Variants in GBF1 observed in about 807,000 individuals in gnomAD.
GBF1 encodes the protein Golgi-specific brefeldin A-resistance guanine nucleotide exchange factor 1.
A neutral mutation model predicts 210.5 loss-of-function variants in GBF1; 114 were observed. The ratio of observed to expected loss-of-function variants is 0.54; its 90% CI spans 0.47 to 0.63. The LOEUF (loss-of-function observed/expected upper bound fraction) is 0.63, where lower values mean the gene tolerates loss of function less well. GBF1 is among the 30% of genes least tolerant of loss of function. The probability of loss-of-function intolerance (pLI) is 0.00; values close to 1 mark genes in which losing one functional copy is unlikely to be tolerated. For synonymous variants in GBF1, 850 were observed against 889.2 expected, an observed-to-expected ratio of 0.96 and a Z score of 0.78; for missense variants, 1,851 against 2,357.7, an observed-to-expected ratio of 0.79 and a Z score of 4.45.
At chr10:102,230,963 C>T in the GBF1 span, 4 of 1,607,874 alleles carry the variant, frequency 2.5e-6, no homozygotes, top group Non-Finnish European at 3.4e-6. Context: ...GGCCAGTTGC[C>T]GTACGAGTAG....
chr10:102,275,070 G>T (rs949557699), intron 3 of GBF1, among the ~76,000 whole-genome samples: 1 of 149,796 alleles, frequency 6.7e-6, no homozygotes, highest in Non-Finnish European at 1.5e-5. Flanking sequence ...GGAGTGCAGT[G>T]GTGCAATCTC....
intron 3 of GBF1, among the ~76,000 whole-genome samples, chr10:102,313,723 A>G (rs537098041): frequency 8.5e-5 from 13 of 152,316 alleles, no homozygotes; most frequent in Non-Finnish European, 1.3e-4. Context: ...GGTGACTTGG[A>G]ACTAATCCTG....
At chr10:102,286,175 G>A (rs2133550746) in intron 3 of GBF1, among the ~76,000 whole-genome samples, 1 of 150,486 alleles carries the variant, frequency 6.6e-6, no homozygotes, top group East Asian at 2.0e-4. Context: ...GAGAGATTTG[G>A]GGATGTAAAA....
chr10:102,232,502 G>A, the GBF1 span, among the ~76,000 whole-genome samples: 5 of 152,262 alleles, frequency 3.3e-5, no homozygotes, highest in South Asian at 6.2e-4. Flanking sequence ...GGCCAACATG[G>A]TAAAATCCCG....
At chr10:102,340,266 C>CTTTTTT in intron 3 of GBF1, among the ~76,000 whole-genome samples, 1 of 123,664 alleles carries the variant, frequency 8.1e-6, no homozygotes, top group Non-Finnish European at 1.8e-5. Context: ...CTGGTCCATG[C>CTTTTTT]CTTTTTTTTT....
chr10:102,303,135 A>G (rs2077537481), intron 3 of GBF1, among the ~76,000 whole-genome samples: 1 of 151,866 alleles, frequency 6.6e-6, no homozygotes, highest in Non-Finnish European at 1.5e-5. Context: ...TTACAGGTGC[A>G]TGCCACCACA....
At chr10:102,234,684 C>A in the GBF1 span, among the ~76,000 whole-genome samples, 1 of 152,162 alleles carries the variant, frequency 6.6e-6, no homozygotes, top group Non-Finnish European at 1.5e-5. Flanking sequence ...AAATGCAAAT[C>A]ATCCCCCTGA....
At chr10:102,278,303 T>TAG (rs1215326064) in intron 3 of GBF1, among the ~76,000 whole-genome samples, 1 of 151,830 alleles carries the variant, frequency 6.6e-6, no homozygotes, top group Non-Finnish European at 1.5e-5. Context: ...GTTATGGAGT[T>TAG]ATCTGTAACT....
intron 30 of GBF1, 58 bp from the exon 31 acceptor site, chr10:102,376,214 C>T: frequency 7.4e-7 from 1 of 1,349,204 alleles, no homozygotes; most frequent in Non-Finnish European, 1.1e-6. Context: ...CCTGATTTAT[C>T]CCTCATCCCA....
At chr10:102,319,483 A>G (rs995420559) in intron 3 of GBF1, among the ~76,000 whole-genome samples, 1 of 152,106 alleles carries the variant, frequency 6.6e-6, no homozygotes, top group Non-Finnish European at 1.5e-5. Context: ...CTCAAATTCT[A>G]CAAGTTTTAA....
rs116411207 is a variant in GBF1 at position 102,248,870 on chromosome 10, A to C, written c.-11+3089A>C. On this transcript the variant is annotated intron_variant, in intron 1 of 39. Coordinates refer to ENST00000369983, the MANE Select transcript of GBF1 (RefSeq NM_001377137.1). ...GGCTGGTTTCGAACTCCTAGACTCA[A>C]GCAGTCCTCCCACTTTTGCCTCCCA... Among the ~76,000 whole-genome samples, 576 of 152,268 alleles carry C rather than the reference A, an allele frequency of 3.8e-3. 9 individuals are homozygous for C. The highest frequency in any genetic ancestry group is 0.013 in the African/African-American group (550 of 41,550).
At chr10:102,311,253 C>T (rs1209953426) in intron 3 of GBF1, among the ~76,000 whole-genome samples, 1 of 152,238 alleles carries the variant, frequency 6.6e-6, no homozygotes, top group Admixed American at 6.5e-5. Context: ...CATGATAACA[C>T]TTCTGTTTAA....
rs748345903 is a variant in GBF1 at position 102,358,169 on chromosome 10, TATC to T, written c.774_776del (p.Ser259del). ...CTGCCCACTCCCAATGGAACCACCT[TATC>T]ATCTAACCTCACTGGTGAGTGCCCT... is the stretch of plus-strand genomic sequence containing the variant. On this transcript the variant is annotated inframe_deletion, in exon 9 of 40. Transcript: ENST00000369983. 1 of 1,613,716 alleles carries T rather than the reference TATC, an allele frequency of 6.2e-7. No homozygotes were observed. The highest frequency in any genetic ancestry group is 1.1e-5 in the South Asian group (1 of 91,064).
intron 2 of GBF1, among the ~76,000 whole-genome samples, chr10:102,259,653 A>C (rs2072933502): frequency 6.6e-6 from 1 of 152,226 alleles, no homozygotes; most frequent in African/African-American, 2.4e-5. Flanking sequence ...GAAATTTCTC[A>C]AGTTCTTTCA....
intron 33 of GBF1, 141 bp from the exon 34 acceptor site, chr10:102,379,143 A>C: frequency 1.4e-6 from 1 of 700,808 alleles, no homozygotes; most frequent in Non-Finnish European, 2.4e-6. Flanking sequence ...AGTCAAGGGA[A>C]AGAGTAGCGA....
At chr10:102,260,421 A>G (rs575409538) in intron 3 of GBF1, among the ~76,000 whole-genome samples, 20 of 149,888 alleles carry the variant, frequency 1.3e-4, no homozygotes, top group Non-Finnish European at 2.4e-4. Flanking sequence ...TGGCCTCTCA[A>G]AGTGTTGGGA....
chr10:102,302,126 G>A (rs952343549), intron 3 of GBF1, among the ~76,000 whole-genome samples: 2 of 152,194 alleles, frequency 1.3e-5, no homozygotes, highest in Admixed American at 6.5e-5. Flanking sequence ...CCAGTCAGGC[G>A]TGGCGGCGCG....
chr10:102,360,346 AGAC>A lies in GBF1; in HGVS notation c.1344_1346del (p.Gln448_Thr449delinsHis). 6.2e-7 allele frequency: 1 copy of A among 1,613,772 alleles called. No individual in the cohort carries two copies. The highest frequency in any genetic ancestry group is 8.5e-7 in the Non-Finnish European group (1 of 1,179,642). ...GAGTCAGCCCCTGTAGCCCAGTGCC[AGAC>A]CCTCTTGGGCCTCATCAAGGATGAG... On this transcript the variant is annotated inframe_deletion, in exon 12 of 40. Transcript: ENST00000369983.
chr10:102,319,720 TTTTC>T (rs1376770374), intron 3 of GBF1, among the ~76,000 whole-genome samples: 4 of 150,654 alleles, frequency 2.7e-5, no homozygotes, highest in South Asian at 2.1e-4. Context: ...TTCTTTTTCT[TTTTC>T]TTTCTTTTTT....
Sources: allele counts gnomAD v4.1 joint callset (sites outside exome capture counted in the v4.1 genomes callset), GRCh38; gene constraint gnomAD v4.1.1; transcripts MANE v1.5; gene names NCBI Gene and HGNC (gene_info 2026-07-23, HGNC 2026-07-21).